The following CEP104 variants were observed in gnomAD, a reference collection of about 807,000 sequenced individuals.
The protein encoded by CEP104 is centrosomal protein of 104 kDa.
A neutral mutation model predicts 113.3 loss-of-function variants in CEP104; 84 were observed. That is an observed-to-expected ratio of 0.74 (90% confidence interval 0.62 to 0.89). The LOEUF is 0.89. Ranked by LOEUF, CEP104 falls within the 40% of genes least tolerant of loss-of-function variation. The pLI is 0.00. For missense variants in CEP104, 1,053 were observed against 1,156.6 expected, an observed-to-expected ratio of 0.91 and a Z score of 1.30; for synonymous variants, 378 against 421.7, an observed-to-expected ratio of 0.90 and a Z score of 1.27.
At chr1:3,824,265 T>C (rs1442299801) in intron 18 of CEP104, among the ~76,000 whole-genome samples, 4 of 152,148 alleles carry the variant, frequency 2.6e-5, no homozygotes, top group Non-Finnish European at 5.9e-5. Context: ...TCTGTATTTT[T>C]AGTAGAGACG....
chr1:3,826,640 G>C, intron 16 of CEP104, 68 bp downstream of exon 16: 2 of 1,556,576 alleles, frequency 1.3e-6, no homozygotes, highest in African/African-American at 2.7e-5. Flanking sequence ...GAGCTTCCAT[G>C]ACATGCATTT....
chr1:3,841,935 G>C (rs1485860879), intron 6 of CEP104, among the ~76,000 whole-genome samples: 1 of 152,252 alleles, frequency 6.6e-6, no homozygotes, highest in Admixed American at 6.5e-5. Flanking sequence ...TTTGTGGAGA[G>C]GCTGGCAGGA....
rs181795239 is a variant in CEP104, at chr1:3,823,969, C to T, written c.2365-407G>A. On this transcript the variant is annotated intron_variant, in intron 18 of 21. Coordinates refer to ENST00000378230, the MANE Select transcript of CEP104 (RefSeq NM_014704.4). This position sits in a 1 kb window ranked among gnomAD's most constrained non-coding sequence, Gnocchi z 4.1. ...AGAAAAGAATTTTAAGAGATTCTCT[C>T]GCTACGTTGGTGTCTCTGGCAGGAA... Among the ~76,000 whole-genome samples the T allele has an allele frequency of 1.1e-4, 17 of 152,296 alleles. No individual in the cohort carries two copies. Among genetic ancestry groups the T allele is most frequent in the Admixed American group, 5.9e-4 (9 of 15,296 alleles).
At chr1:3,816,016 C>T (rs951499655) in intron 21 of CEP104, 24 of 427,030 alleles carry the variant, frequency 5.6e-5, no homozygotes, top group Non-Finnish European at 9.6e-5. Flanking sequence ...GTAGAAAGAG[C>T]GGAGGACGGG....
intron 8 of CEP104, among the ~76,000 whole-genome samples, chr1:3,838,056 G>T (rs542966646): frequency 6.6e-6 from 1 of 152,324 alleles, no homozygotes; most frequent in East Asian, 1.9e-4. Flanking sequence ...GAAAGCTGAT[G>T]GAAAACTGAG....
Position 3,823,533 on chromosome 1 carries a change from G to C in CEP104, c.2394C>G (p.His798Gln). 6.2e-7 allele frequency: 1 copy of C among 1,614,254 alleles called. No individual in the cohort carries two copies. The highest frequency in any genetic ancestry group is 8.5e-7 in the Non-Finnish European group (1 of 1,180,052). Reference sequence around the variant, plus strand: ...CTTTTTTGTCACATTCCGTCAGCAAGTGCTCCGTCAGACTGGATATCTCGA... The same window carrying C: ...CTTTTTTGTCACATTCCGTCAGCAACTGCTCCGTCAGACTGGATATCTCGA... ...QVVEISSLTE[H>Q]LLTECDKKDG... is the part of the protein sequence containing the mutation. Residue 798 changes from histidine to glutamine, a missense_variant, in exon 19 of 22, where the codon CAC becomes CAG. Transcript: ENST00000378230. The surrounding 1 kb of genome is among the most constrained non-coding windows in gnomAD (Gnocchi z 4.1).
rs925187751 is a variant in CEP104, at chr1:3,819,964, G to A, written c.2571+3210C>T. 6.6e-6 allele frequency among the ~76,000 whole-genome samples: 1 copy of A among 152,140 alleles called. No individual in the cohort carries two copies. The highest frequency in any genetic ancestry group is 2.1e-4 in the South Asian group (1 of 4,822). ...ACATATTACTGCCAGCTGCTGGGAT[G>A]AGCCTGGAAGTGAGTCCTTCCCTAG... is the stretch of plus-strand genomic sequence containing the variant. On this transcript the variant is annotated intron_variant, in intron 20 of 21. Transcript: ENST00000378230. The surrounding 1 kb of genome is among the most constrained non-coding windows in gnomAD (Gnocchi z 4.6).
intron 20 of CEP104, among the ~76,000 whole-genome samples, chr1:3,821,770 C>T (rs899760859): frequency 6.6e-6 from 1 of 152,234 alleles, no homozygotes; most frequent in Non-Finnish European, 1.5e-5. Flanking sequence ...CCCAAGGGAA[C>T]GTAGTCAGCA....
intron 11 of CEP104, among the ~76,000 whole-genome samples, chr1:3,834,447 T>C (rs1208452492): frequency 6.6e-6 from 1 of 152,182 alleles, no homozygotes; most frequent in Admixed American, 6.5e-5. Context: ...ACATCCCTGC[T>C]TCAATGGGTA....
intron 1 of CEP104, 58 bp from the exon 2 acceptor site, chr1:3,852,479 C>T (rs1644632039): frequency 2.0e-6 from 3 of 1,507,460 alleles, no homozygotes; most frequent in South Asian, 1.2e-5. Context: ...AACACATGGA[C>T]ATTTAAAGGG....
rs76442708 is a variant in CEP104 at position 3,829,497 on chromosome 1, A to G, written c.2044-124T>C. 7.8e-4 allele frequency: 551 copies of G among 710,308 alleles called. 1 individual carries two copies. Among genetic ancestry groups the G allele is most frequent in the Non-Finnish European group, 1.0e-3 (455 of 433,882 alleles). The allele number at this position is 710,308 out of a possible 1,614,324, so 44.0% of individuals were successfully genotyped here. On this transcript the variant is annotated intron_variant, in intron 14 of 21. Transcript: ENST00000378230. Reference sequence around the variant, plus strand: ...ATAATATTCACTAAGACTAATAACAAGTTAGAATAAGTCTTTTCCATTGAT... The same window carrying G: ...ATAATATTCACTAAGACTAATAACAGGTTAGAATAAGTCTTTTCCATTGAT...
chr1:3,840,742 G>C (rs1023018977), intron 6 of CEP104, among the ~76,000 whole-genome samples: 4 of 152,116 alleles, frequency 2.6e-5, no homozygotes, highest in Non-Finnish European at 5.9e-5. Context: ...GTTTCACCAT[G>C]TTAGCCAGGT....
At chr1:3,821,521 A>C (rs1221001887) in intron 20 of CEP104, among the ~76,000 whole-genome samples, 1 of 152,212 alleles carries the variant, frequency 6.6e-6, no homozygotes, top group African/African-American at 2.4e-5. Flanking sequence ...GCTTAGAGGA[A>C]TATCCCAGCA....
intron 20 of CEP104, among the ~76,000 whole-genome samples, chr1:3,821,661 C>T (rs1408763995): frequency 2.0e-5 from 3 of 152,290 alleles, no homozygotes; most frequent in South Asian, 2.1e-4. Flanking sequence ...GCCTGTGAAG[C>T]GGCCACACTC....
chr1:3,850,497 C>T (rs764454070), intron 2 of CEP104, among the ~76,000 whole-genome samples: 1 of 152,186 alleles, frequency 6.6e-6, no homozygotes, highest in African/African-American at 2.4e-5. Flanking sequence ...TCTGAGGTCA[C>T]ATGAACGGCA....
rs34104489 is a variant in CEP104 at position 3,843,376 on chromosome 1, A to ATTT, written c.566+1528_566+1530dup. 668 of 341,682 alleles carry ATTT rather than the reference A, an allele frequency of 2.0e-3. 2 individuals are homozygous for ATTT. The highest frequency in any genetic ancestry group is 6.0e-3 in the Middle Eastern group (7 of 1,174). 21.2% of individuals were successfully genotyped at this position (341,682 alleles called of 1,614,324 possible). A position where few individuals can be genotyped will look rare whatever the true frequency, so the allele number is the denominator to read the frequency against. On this transcript the variant is annotated intron_variant, in intron 6 of 21. Coordinates refer to ENST00000378230, the MANE Select transcript of CEP104 (RefSeq NM_014704.4). ...CAACAGCAGCAGAAAAATATGTATAATTTTTTTTTTTTTTTTTTGAGACAG... is the reference window on the plus strand; with the variant it reads ...CAACAGCAGCAGAAAAATATGTATAATTTTTTTTTTTTTTTTTTTTTGAGACAG...
rs1644381451 is a variant in CEP104 at position 3,839,784 on chromosome 1, G to A, written c.567-8C>T. On this transcript the variant is annotated splice_polypyrimidine_tract_variant and splice_region_variant and intron_variant, in intron 6 of 21. Coordinates refer to ENST00000378230, the MANE Select transcript of CEP104 (RefSeq NM_014704.4). ...GAGATATAGTCAGATTTCCTAAAGG[G>A]AAGAAATGCATATTTTAGAGATAAT... 3 of 1,605,534 alleles carry A rather than the reference G, an allele frequency of 1.9e-6. No individual in the cohort carries two copies. Among genetic ancestry groups the A allele is most frequent in the East Asian group, 4.5e-5 (2 of 44,790 alleles).
At chr1:3,850,755 GCA>G (rs541183627) in intron 2 of CEP104, among the ~76,000 whole-genome samples, 86 of 152,272 alleles carry the variant, frequency 5.6e-4, no homozygotes, top group Middle Eastern at 3.4e-3. Context: ...GTGACCAAGG[GCA>G]CACAGATCCT....
At chr1:3,842,566 A>G (rs1644432828) in intron 6 of CEP104, among the ~76,000 whole-genome samples, 1 of 152,234 alleles carries the variant, frequency 6.6e-6, no homozygotes, top group African/African-American at 2.4e-5. Context: ...CTCCTGAGCA[A>G]CTGCAGAGAG....
Sources: gnomAD v4.1 joint callset for allele counts (sites outside exome capture counted in the v4.1 genomes callset) on GRCh38, gnomAD v4.1.1 for gene constraint, Gnocchi (gnomAD v3.1) non-coding constraint, MANE v1.5 for transcripts, NCBI Gene and HGNC (gene_info 2026-07-23, HGNC 2026-07-21) for gene names.